RNLS: variants seen among roughly 807,000 people sequenced by gnomAD.
RNLS encodes the protein renalase, FAD dependent amine oxidase.
RNLS carries 39 observed loss-of-function variants against 39.8 expected under a neutral mutation model. The observed-to-expected ratio is 0.98, with a 90% CI of 0.76 to 1.28. The LOEUF (loss-of-function observed/expected upper bound fraction) is 1.28. Ranked by LOEUF, RNLS falls within the 50% of genes most tolerant of loss-of-function variation. The pLI is 0.00. For missense variants in RNLS, 410 were observed against 413.3 expected (o/e 0.99, Z 0.07); for synonymous variants, 147 against 150.7 (o/e 0.98, Z 0.18).
At chr10:88,281,398 C>T (rs879709876), downstream of RNLS, among the ~76,000 whole-genome samples, 3 of 152,168 alleles carry the variant, frequency 2.0e-5, no homozygotes, top group Admixed American at 6.6e-5. Context: ...CCTAGCTTCA[C>T]GAATTAGAGC....
the RNLS span, among the ~76,000 whole-genome samples, chr10:88,223,022 G>C: frequency 3.3e-5 from 5 of 152,318 alleles, no homozygotes; most frequent in Middle Eastern, 0.014. Flanking sequence ...GTGAGCTCAA[G>C]CTCAAGCTCA....
At chr10:88,278,033 C>G (rs573313927) in intron 6 of RNLS, among the ~76,000 whole-genome samples, 52 of 152,230 alleles carry the variant, frequency 3.4e-4, no homozygotes, top group Non-Finnish European at 6.2e-4. Flanking sequence ...ATTAACATTT[C>G]TTAGTATGAA....
rs139588427 is a variant in RNLS at position 88,356,674 on chromosome 10, C to T, written c.700+5878G>A. Reference sequence around the variant, plus strand: ...CTTGTGAGGATAAATTCTATGAATACATTCTAAGTTTGTTCATTTGCTTTT... The same window carrying T: ...CTTGTGAGGATAAATTCTATGAATATATTCTAAGTTTGTTCATTTGCTTTT... On this transcript the variant is annotated intron_variant, in intron 5 of 6. Coordinates refer to ENST00000331772, the MANE Select transcript of RNLS (RefSeq NM_001031709.3). Among the ~76,000 whole-genome samples, 549 of 152,304 alleles carry T rather than the reference C, an allele frequency of 3.6e-3. 3 individuals carry two copies. The highest frequency in any genetic ancestry group is 0.013 in the African/African-American group (525 of 41,564).
At chr10:88,303,601 C>T (rs1844693855) in intron 6 of RNLS, among the ~76,000 whole-genome samples, 1 of 152,182 alleles carries the variant, frequency 6.6e-6, no homozygotes, top group Non-Finnish European at 1.5e-5. Context: ...CATTGCTTTG[C>T]TTTGCTTTGC....
intron 4 of RNLS, among the ~76,000 whole-genome samples, chr10:88,460,856 G>T (rs1842901798): frequency 6.6e-6 from 1 of 152,066 alleles, no homozygotes; most frequent in African/African-American, 2.4e-5. Context: ...GTTGATGCAG[G>T]AGAGGAAAGC....
chr10:88,330,987 A>G (rs1016029733), intron 5 of RNLS, among the ~76,000 whole-genome samples: 1 of 152,206 alleles, frequency 6.6e-6, no homozygotes, highest in African/African-American at 2.4e-5. Context: ...AACTTAACAA[A>G]GCACTGGGGA....
intron 6 of RNLS, among the ~76,000 whole-genome samples, chr10:88,289,357 A>G (rs1843511205): frequency 6.6e-6 from 1 of 151,888 alleles, no homozygotes; most frequent in African/African-American, 2.4e-5. Flanking sequence ...TCTATATTCA[A>G]ACTCAGGTTC....
the RNLS span, among the ~76,000 whole-genome samples, chr10:88,242,173 T>G: frequency 1.6e-3 from 248 of 152,328 alleles, no homozygotes; most frequent in Middle Eastern, 3.4e-3. Flanking sequence ...TTCCTCTATT[T>G]TAAGAAAGGT....
At chr10:88,224,880 C>T in the RNLS span, among the ~76,000 whole-genome samples, 1 of 152,108 alleles carries the variant, frequency 6.6e-6, no homozygotes, top group Non-Finnish European at 1.5e-5. Context: ...CATTTAATCC[C>T]CAACCACTCC....
At chr10:88,225,559 T>G in the RNLS span, among the ~76,000 whole-genome samples, 4 of 151,814 alleles carry the variant, frequency 2.6e-5, no homozygotes, top group Non-Finnish European at 5.9e-5. Flanking sequence ...ACAGAAAATT[T>G]AAAAATTAGT....
intron 3 of RNLS, among the ~76,000 whole-genome samples, chr10:88,576,466 A>G (rs1263731185): frequency 1.3e-5 from 2 of 152,228 alleles, no homozygotes; most frequent in Non-Finnish European, 2.9e-5. Context: ...TGTTTCTCCT[A>G]TGATTTCCCA....
At chr10:88,233,730 T>C in the RNLS span, among the ~76,000 whole-genome samples, 1 of 152,314 alleles carries the variant, frequency 6.6e-6, no homozygotes, top group Admixed American at 6.5e-5. Context: ...CTGTTCCCTC[T>C]GTCTTGCTGC....
At chr10:88,524,622 T>C (rs1846969939) in intron 4 of RNLS, among the ~76,000 whole-genome samples, 1 of 152,004 alleles carries the variant, frequency 6.6e-6, no homozygotes, top group East Asian at 1.9e-4. Flanking sequence ...TCTTCAGTTA[T>C]ACTAACCACA....
intron 4 of RNLS, among the ~76,000 whole-genome samples, chr10:88,363,214 G>A (rs1483406188): frequency 6.6e-6 from 1 of 152,034 alleles, no homozygotes; most frequent in Admixed American, 6.6e-5. Flanking sequence ...TGGATACAAG[G>A]GGGGAATAAC....
intron 4 of RNLS, among the ~76,000 whole-genome samples, chr10:88,365,542 C>T (rs1850007648): frequency 6.7e-6 from 1 of 148,392 alleles, no homozygotes; most frequent in African/African-American, 2.6e-5. Flanking sequence ...CACACACACA[C>T]ACACACACAC....
At chr10:88,356,506 C>T (rs1403664766) in intron 5 of RNLS, among the ~76,000 whole-genome samples, 1 of 152,222 alleles carries the variant, frequency 6.6e-6, no homozygotes, top group African/African-American at 2.4e-5. Context: ...TATAACATCT[C>T]ATATTATGTC....
chr10:88,264,786 G>T, the RNLS span, among the ~76,000 whole-genome samples: 504 of 152,266 alleles, frequency 3.3e-3, 1 homozygote, highest in African/African-American at 0.011. Context: ...TTCTGTGGTT[G>T]TTTGTTTACT....
chr10:88,449,334 A>G (rs1589813506), intron 4 of RNLS, among the ~76,000 whole-genome samples: 1 of 152,228 alleles, frequency 6.6e-6, no homozygotes, highest in East Asian at 1.9e-4. Flanking sequence ...ACATACTTCC[A>G]TTTATTCATG....
intron 4 of RNLS, among the ~76,000 whole-genome samples, chr10:88,462,240 G>A (rs1166359817): frequency 3.3e-5 from 5 of 151,906 alleles, no homozygotes; most frequent in Admixed American, 1.3e-4. Context: ...GTACATAGTA[G>A]GTGTATATAT....
Sources: allele counts gnomAD v4.1 joint callset (sites outside exome capture counted in the v4.1 genomes callset), GRCh38; gene constraint gnomAD v4.1.1; transcripts MANE v1.5; gene names NCBI Gene and HGNC (gene_info 2026-07-23, HGNC 2026-07-21).